Variants in FTO observed in about 807,000 individuals in gnomAD.
The protein encoded by FTO is alpha-ketoglutarate-dependent dioxygenase FTO.
Under a neutral mutation model 63.9 loss-of-function variants are expected in FTO, and 47 were observed. That is an observed-to-expected ratio of 0.74 (90% CI 0.58 to 0.94). The LOEUF is 0.94. Among genes scored for constraint, FTO ranks in the 40% least tolerant of loss-of-function variants. The pLI, the probability that FTO is intolerant of heterozygous loss-of-function variation, is 0.00. For synonymous variants in FTO, 207 were observed against 224.4 expected (o/e 0.92, Z 0.69); for missense variants, 562 against 618.1 (o/e 0.91, Z 0.96).
chr16:54,076,581 C>T (rs1299876048), intron 8 of FTO, among the ~76,000 whole-genome samples: 1 of 151,988 alleles, frequency 6.6e-6, no homozygotes, highest in Admixed American at 6.6e-5. Context: ...TATGTATATG[C>T]ATATATATGT....
chr16:53,744,408 T>C (rs2076599241), intron 1 of FTO, among the ~76,000 whole-genome samples: 1 of 152,240 alleles, frequency 6.6e-6, no homozygotes, highest in African/African-American at 2.4e-5. Context: ...TTTTCTTTAG[T>C]CACGAATAAT....
chr16:53,925,845 C>T (rs1288352277), intron 7 of FTO, among the ~76,000 whole-genome samples: 9 of 152,218 alleles, frequency 5.9e-5, no homozygotes, highest in South Asian at 4.2e-4. Flanking sequence ...TAATTGAATC[C>T]GTTCAGAATT....
chr16:54,066,391 C>G (rs540957464), intron 8 of FTO, among the ~76,000 whole-genome samples: 1 of 152,176 alleles, frequency 6.6e-6, no homozygotes, highest in Non-Finnish European at 1.5e-5. Flanking sequence ...TTTCATTACA[C>G]GAGGACTAAC....
chr16:54,018,209 T>C (rs753738774), intron 8 of FTO, among the ~76,000 whole-genome samples: 3 of 152,150 alleles, frequency 2.0e-5, no homozygotes, highest in Non-Finnish European at 4.4e-5. Context: ...CAAGGTAAAA[T>C]ACTTGGTCAA....
chr16:54,109,573 C>G (rs1312210390), intron 8 of FTO, among the ~76,000 whole-genome samples: 1 of 152,186 alleles, frequency 6.6e-6, no homozygotes, highest in African/African-American at 2.4e-5. Flanking sequence ...CTCAAGTGAT[C>G]TGCCTGCCTT....
intron 8 of FTO, chr16:53,981,465 G>T (rs566414893): frequency 6.6e-6 from 1 of 152,322 alleles, no homozygotes; most frequent in East Asian, 1.9e-4. Context: ...AAAACCTGAA[G>T]CCTTCCTGCT....
At chr16:53,904,104 A>C (rs74854505) in intron 7 of FTO, among the ~76,000 whole-genome samples, 1 of 152,016 alleles carries the variant, frequency 6.6e-6, no homozygotes, top group Non-Finnish European at 1.5e-5. Context: ...ATACATATAC[A>C]TATATGTACA....
chr16:53,928,610 A>G (rs887416265), intron 7 of FTO, among the ~76,000 whole-genome samples: 2 of 150,262 alleles, frequency 1.3e-5, no homozygotes, highest in Non-Finnish European at 3.0e-5. Context: ...TCTAATATTA[A>G]AATAGTTTTT....
At chr16:53,706,410 C>T (rs549315114) in intron 1 of FTO, among the ~76,000 whole-genome samples, 1 of 152,292 alleles carries the variant, frequency 6.6e-6, no homozygotes, top group East Asian at 1.9e-4. Flanking sequence ...TAAGTTCCCT[C>T]TCGTTAATTT....
intron 5 of FTO, among the ~76,000 whole-genome samples, chr16:53,877,474 G>A (rs192586792): frequency 1.3e-5 from 2 of 152,300 alleles, no homozygotes; most frequent in African/African-American, 4.8e-5. Context: ...TTTATATGAA[G>A]TGTCTAGAAT....
intron 1 of FTO, among the ~76,000 whole-genome samples, chr16:53,727,082 CTTT>C (rs1216406070): frequency 1.3e-5 from 2 of 152,140 alleles, no homozygotes; most frequent in Admixed American, 6.6e-5. Context: ...CTCTCTTTCT[CTTT>C]TTATTTTTCT....
At chr16:54,016,362 T>A (rs1475637149) in intron 8 of FTO, among the ~76,000 whole-genome samples, 1 of 151,388 alleles carries the variant, frequency 6.6e-6, no homozygotes, top group Non-Finnish European at 1.5e-5. Flanking sequence ...CTTGTAACAA[T>A]GGGCAGCTGC....
chr16:53,880,386 G>A (rs953716316), intron 6 of FTO, among the ~76,000 whole-genome samples: 8 of 152,170 alleles, frequency 5.3e-5, no homozygotes, highest in Admixed American at 1.3e-4. Flanking sequence ...GTTATAAGAC[G>A]TGAGACTCTT....
chr16:54,083,353 A>G (rs968093181), intron 8 of FTO, among the ~76,000 whole-genome samples: 8 of 152,154 alleles, frequency 5.3e-5, no homozygotes, highest in Non-Finnish European at 8.8e-5. Flanking sequence ...ATTAACCGAA[A>G]GTTAATTTCT....
chr16:53,977,340 C>CTGTA (rs2083454583), intron 8 of FTO, among the ~76,000 whole-genome samples: 1 of 152,054 alleles, frequency 6.6e-6, no homozygotes, highest in Non-Finnish European at 1.5e-5. Flanking sequence ...ATAGAGCTTA[C>CTGTA]TGTATCTTGA....
intron 1 of FTO, chr16:53,711,477 G>C: frequency 2.5e-6 from 1 of 398,634 alleles, no homozygotes; most frequent in Non-Finnish European, 4.4e-6. Flanking sequence ...CAACAGCAGA[G>C]TGGTGAGTTT....
intron 7 of FTO, among the ~76,000 whole-genome samples, chr16:53,929,356 G>T (rs1472512035): frequency 1.3e-5 from 2 of 152,188 alleles, no homozygotes; most frequent in Non-Finnish European, 2.9e-5. Flanking sequence ...GCTGAGTGAT[G>T]GCATACATCA....
chr16:53,869,197 T>TC (rs1427878384), intron 4 of FTO, among the ~76,000 whole-genome samples: 9 of 152,134 alleles, frequency 5.9e-5, no homozygotes, highest in Non-Finnish European at 1.3e-4. Context: ...TGTTTTTTTT[T>TC]CCTCTCAACA....
chr16:53,821,518 A>G (rs557540565), intron 2 of FTO, among the ~76,000 whole-genome samples: 3 of 152,328 alleles, frequency 2.0e-5, no homozygotes, highest in Admixed American at 6.5e-5. Flanking sequence ...CTGTTTTCCA[A>G]TGGGGATAAC....
Sources: allele counts gnomAD v4.1 joint callset (sites outside exome capture counted in the v4.1 genomes callset), GRCh38; gene constraint gnomAD v4.1.1; transcripts MANE v1.5; gene names NCBI Gene and HGNC (gene_info 2026-07-23, HGNC 2026-07-21).